Variants in OCA2 observed in about 807,000 individuals in gnomAD.
OCA2 encodes P protein.
A neutral mutation model predicts 100.2 loss-of-function variants in OCA2; 77 were observed. That is an observed-to-expected ratio of 0.77 (90% CI 0.64 to 0.93). The LOEUF (loss-of-function observed/expected upper bound fraction) is 0.93. Ranked by LOEUF, OCA2 falls within the 40% of genes least tolerant of loss-of-function variation. The probability of loss-of-function intolerance (pLI) is 0.00; values close to 1 mark genes in which losing one functional copy is unlikely to be tolerated. For missense variants in OCA2, 1,062 were observed against 1,089.1 expected (o/e 0.98, Z 0.35); for synonymous variants, 432 against 439.2 (o/e 0.98, Z 0.21).
chr15:27,980,973 T>G (rs1329825178), intron 14 of OCA2, among the ~76,000 whole-genome samples: 1 of 152,218 alleles, frequency 6.6e-6, no homozygotes, highest in Non-Finnish European at 1.5e-5. Flanking sequence ...CGTTCCCCTC[T>G]CTCCTTCAGA....
chr15:27,746,231 G>A, the OCA2 span, among the ~76,000 whole-genome samples: 1 of 152,210 alleles, frequency 6.6e-6, no homozygotes, highest in Non-Finnish European at 1.5e-5. Flanking sequence ...GCCAAGGCAG[G>A]TGGATCACGG....
intron 23 of OCA2, among the ~76,000 whole-genome samples, chr15:27,822,396 T>C (rs1469271124): frequency 2.6e-5 from 4 of 152,214 alleles, no homozygotes; most frequent in Non-Finnish European, 4.4e-5. Context: ...ATGAACACTC[T>C]AGTACATTCT....
intron 14 of OCA2, among the ~76,000 whole-genome samples, chr15:27,967,486 A>G (rs1236006978): frequency 2.0e-5 from 3 of 152,248 alleles, no homozygotes; most frequent in Admixed American, 6.5e-5. Flanking sequence ...GATAGGGTGA[A>G]AAAAGACTGA....
intron 2 of OCA2, among the ~76,000 whole-genome samples, chr15:28,055,847 C>G (rs2043676970): frequency 6.6e-6 from 1 of 152,220 alleles, no homozygotes; most frequent in Non-Finnish European, 1.5e-5. Flanking sequence ...CTGGGAACCC[C>G]AGCTGACCCC....
intron 23 of OCA2, among the ~76,000 whole-genome samples, chr15:27,821,721 G>A (rs1490232663): frequency 6.6e-6 from 1 of 151,906 alleles, no homozygotes; most frequent in African/African-American, 2.4e-5. Context: ...ACACATGCAG[G>A]CACACTCATA....
downstream of OCA2, among the ~76,000 whole-genome samples, chr15:27,754,451 G>A (rs1266583629): frequency 6.6e-6 from 1 of 152,224 alleles, no homozygotes; most frequent in Non-Finnish European, 1.5e-5. Context: ...CAGAAGATCA[G>A]AAACTGAAGA....
intron 19 of OCA2, among the ~76,000 whole-genome samples, chr15:27,889,452 C>A (rs2037366300): frequency 6.6e-6 from 1 of 152,118 alleles, no homozygotes; most frequent in Admixed American, 6.5e-5. Flanking sequence ...CCCTGGGGCT[C>A]CACATGCCAA....
intron 12 of OCA2, among the ~76,000 whole-genome samples, chr15:27,985,683 CT>C (rs1342646376): frequency 6.7e-6 from 1 of 149,520 alleles, no homozygotes; most frequent in Non-Finnish European, 1.5e-5. Context: ...TTGCAAAGGG[CT>C]TTGTTGAGTA....
intron 17 of OCA2, among the ~76,000 whole-genome samples, chr15:27,953,275 A>G (rs1206841931): frequency 1.3e-5 from 2 of 152,200 alleles, no homozygotes; most frequent in African/African-American, 4.8e-5. Flanking sequence ...TGCTGCCATC[A>G]AAAACACATG....
At chr15:27,974,198 T>G (rs2140903152) in intron 14 of OCA2, among the ~76,000 whole-genome samples, 1 of 152,372 alleles carries the variant, frequency 6.6e-6, no homozygotes, top group East Asian at 1.9e-4. Context: ...TTACTCTGAC[T>G]AGGACTTCCT....
At chr15:28,049,301 G>A (rs2043436940) in intron 2 of OCA2, among the ~76,000 whole-genome samples, 1 of 152,152 alleles carries the variant, frequency 6.6e-6, no homozygotes, top group Admixed American at 6.5e-5. Flanking sequence ...GACTAGGATG[G>A]CTAGAATAAA....
intron 23 of OCA2, among the ~76,000 whole-genome samples, chr15:27,840,815 C>T (rs1221006706): frequency 6.6e-6 from 1 of 151,924 alleles, no homozygotes; most frequent in Non-Finnish European, 1.5e-5. Flanking sequence ...TCAGTAAAAC[C>T]TGGGAGAAAA....
At chr15:27,987,947 T>C (rs2141000104) in intron 11 of OCA2, among the ~76,000 whole-genome samples, 1 of 152,232 alleles carries the variant, frequency 6.6e-6, no homozygotes, top group South Asian at 2.1e-4. Context: ...AGACCCAGTG[T>C]AAATATCCAC....
intron 7 of OCA2, 100 bp downstream of exon 7, chr15:28,018,297 C>T (rs760055177): frequency 7.9e-6 from 9 of 1,138,026 alleles, no homozygotes; most frequent in South Asian, 2.5e-5. Context: ...ATGGTGTCCT[C>T]GCCTGTGGCT....
intron 18 of OCA2, among the ~76,000 whole-genome samples, chr15:27,945,202 G>T (rs1032342527): frequency 6.6e-6 from 1 of 152,276 alleles, no homozygotes; most frequent in African/African-American, 2.4e-5. Flanking sequence ...CCTCCTCTAA[G>T]AAGTATGCCT....
intron 1 of OCA2, among the ~76,000 whole-genome samples, chr15:28,089,809 G>A (rs1206150945): frequency 2.0e-5 from 3 of 152,136 alleles, no homozygotes; most frequent in Admixed American, 2.0e-4. Context: ...AAAGAGGGTG[G>A]AGGTCAAGGC....
rs189678602 is a variant in OCA2, at chr15:28,017,826, C to T, written c.807+571G>A. Reference sequence around the variant, plus strand: ...CAGTGGAGTCTCCGAGGCCAGGGCTCGGGGGAGTCAGGCTTGCGTGGAAGG... The same window carrying T: ...CAGTGGAGTCTCCGAGGCCAGGGCTTGGGGGAGTCAGGCTTGCGTGGAAGG... On this transcript the variant is annotated intron_variant, in intron 7 of 23. Transcript: ENST00000354638. Among the ~76,000 whole-genome samples the T allele has an allele frequency of 1.6e-4, 24 of 152,084 alleles. 1 individual carries two copies. Among genetic ancestry groups the T allele is most frequent in the African/African-American group, 5.3e-4 (22 of 41,414 alleles).
At chr15:27,753,302 G>A (rs1318121363), downstream of OCA2, among the ~76,000 whole-genome samples, 3 of 151,690 alleles carry the variant, frequency 2.0e-5, no homozygotes, top group Non-Finnish European at 4.4e-5. Flanking sequence ...ACCCAGGGTG[G>A]GTGTAACACG....
intron 2 of OCA2, among the ~76,000 whole-genome samples, chr15:28,040,687 T>C (rs548789747): frequency 6.6e-6 from 1 of 152,184 alleles, no homozygotes; most frequent in African/African-American, 2.4e-5. Context: ...AAAAGTATTA[T>C]AAGAAAATAC....
Sources: gnomAD v4.1 joint callset for allele counts (sites outside exome capture counted in the v4.1 genomes callset) on GRCh38, gnomAD v4.1.1 for gene constraint, MANE v1.5 for transcripts, NCBI Gene and HGNC (gene_info 2026-07-23, HGNC 2026-07-21) for gene names.